Variants in RALGAPA2 observed in about 807,000 individuals in gnomAD.
The protein encoded by RALGAPA2 is Ral GTPase activating protein catalytic subunit alpha 2, also known as ral GTPase-activating protein subunit alpha-2.
RALGAPA2 carries 139 observed loss-of-function variants against 230.4 expected under a neutral mutation model. That is an observed-to-expected ratio of 0.60 (90% CI 0.53 to 0.69). The LOEUF (loss-of-function observed/expected upper bound fraction) is 0.69. Among genes scored for constraint, RALGAPA2 ranks in the 30% least tolerant of loss-of-function variants. The probability of loss-of-function intolerance (pLI) is 0.00; values close to 1 mark genes in which losing one functional copy is unlikely to be tolerated. For synonymous variants in RALGAPA2, 847 were observed against 837.8 expected, an observed-to-expected ratio of 1.01 and a Z score of -0.19; for missense variants, 2,163 against 2,276.0, an observed-to-expected ratio of 0.95 and a Z score of 1.01.
intron 20 of RALGAPA2, among the ~76,000 whole-genome samples, chr20:20,579,365 C>T (rs904812534): frequency 1.3e-5 from 2 of 152,178 alleles, no homozygotes; most frequent in African/African-American, 2.4e-5. Flanking sequence ...TAGCAGACAA[C>T]AGGCGTCCCC....
At chr20:20,479,342 A>G (rs1005608783) in intron 36 of RALGAPA2, among the ~76,000 whole-genome samples, 2 of 152,230 alleles carry the variant, frequency 1.3e-5, no homozygotes, top group Non-Finnish European at 2.9e-5. Context: ...CAATCTTAAT[A>G]CCAAAATGAG....
At chr20:20,685,618 A>T (rs1157092737) in intron 1 of RALGAPA2, among the ~76,000 whole-genome samples, 2 of 152,198 alleles carry the variant, frequency 1.3e-5, no homozygotes, top group African/African-American at 4.8e-5. Context: ...AAAGGGACAA[A>T]TGGGAATAAA....
intron 23 of RALGAPA2, among the ~76,000 whole-genome samples, chr20:20,557,748 T>C (rs2064128743): frequency 6.6e-6 from 1 of 152,170 alleles, no homozygotes; most frequent in Non-Finnish European, 1.5e-5. Context: ...AACAAAGGTA[T>C]TTAACTTACT....
chr20:20,471,752 T>G (rs2061546912), intron 37 of RALGAPA2: 1 of 152,164 alleles, frequency 6.6e-6, no homozygotes, highest in Admixed American at 6.5e-5. Context: ...TGGGACCTAA[T>G]AGCTCTTTTC....
chr20:20,448,289 G>A (rs2060910017), intron 37 of RALGAPA2, among the ~76,000 whole-genome samples: 1 of 152,172 alleles, frequency 6.6e-6, no homozygotes, highest in African/African-American at 2.4e-5. Flanking sequence ...CGAGTAGAGT[G>A]TAGTTTAATC....
chr20:20,461,526 A>G (rs753083536), intron 37 of RALGAPA2, among the ~76,000 whole-genome samples: 1 of 152,210 alleles, frequency 6.6e-6, no homozygotes, highest in African/African-American at 2.4e-5. Context: ...AAGGCAGAGC[A>G]TGATAGTAAG....
intron 37 of RALGAPA2, among the ~76,000 whole-genome samples, chr20:20,441,325 T>TA (rs1250767618): frequency 6.6e-6 from 1 of 152,212 alleles, no homozygotes; most frequent in African/African-American, 2.4e-5. Context: ...GGACAGCCGT[T>TA]AATCTGTAAG....
chr20:20,611,984 C>T (rs2065990774), intron 13 of RALGAPA2, among the ~76,000 whole-genome samples: 1 of 152,162 alleles, frequency 6.6e-6, no homozygotes, highest in Non-Finnish European at 1.5e-5. Context: ...TCTGGAAGAT[C>T]CTGACTCTGC....
Position 20,712,513 on chromosome 20 carries a change from G to A in RALGAPA2, c.-33C>T. On this transcript the variant is annotated 5_prime_UTR_variant, in exon 1 of 40. Coordinates refer to ENST00000202677, the MANE Select transcript of RALGAPA2 (RefSeq NM_020343.4). This position sits in a 1 kb window ranked among gnomAD's most constrained non-coding sequence, Gnocchi z 5.5. ...CAGGAAGCCCGGGCCCCGCCGGCGGGGCAGTAGGCGCCTGCGCCACGCGAA... is the reference window on the plus strand; with the variant it reads ...CAGGAAGCCCGGGCCCCGCCGGCGGAGCAGTAGGCGCCTGCGCCACGCGAA... 1 of 1,534,260 alleles carries A rather than the reference G, an allele frequency of 6.5e-7. No individual in the cohort carries two copies. Among genetic ancestry groups the A allele is most frequent in the East Asian group, 2.6e-5 (1 of 39,214 alleles).
rs771070647 is a variant in RALGAPA2 at position 20,584,967 on chromosome 20, A to G, written c.2440-12T>C. 3.2e-5 allele frequency: 51 copies of G among 1,591,932 alleles called. No homozygotes were observed. In the African/African-American group the frequency reaches 6.7e-4, roughly 21 times the overall value. On this transcript the variant is annotated splice_polypyrimidine_tract_variant and intron_variant, in intron 18 of 39. Transcript: ENST00000202677. Reference sequence around the variant, plus strand: ...CTTCGAACTAAGATCTTCAGACAAAAAGAAATATTGCATTTACTACAGGAA... The same window carrying G: ...CTTCGAACTAAGATCTTCAGACAAAGAGAAATATTGCATTTACTACAGGAA...
In RALGAPA2 at chr20:20,390,701, T is replaced by TAAAAAA. The variant is rs1471362392; in HGVS notation, c.*2582_*2587dup. The TAAAAAA allele has an allele frequency of 1.3e-5, 2 of 151,140 alleles. No homozygotes were observed. Among genetic ancestry groups the TAAAAAA allele is most frequent in the African/African-American group, 4.9e-5 (2 of 40,936 alleles). 9.4% of individuals were successfully genotyped at this position (151,140 alleles called of 1,614,324 possible). ...TTTGCTTTTCTAAGTAAAAAAAAAA[T>TAAAAAA]AAAAAAGAAACTTGATCATTGCAAT... On this transcript the variant is annotated 3_prime_UTR_variant, in exon 40 of 40. Coordinates refer to ENST00000202677, the MANE Select transcript of RALGAPA2 (RefSeq NM_020343.4).
At chr20:20,553,551 TAAAAAAAAACA>T (rs1276304258) in intron 23 of RALGAPA2, among the ~76,000 whole-genome samples, 9 of 150,610 alleles carry the variant, frequency 6.0e-5, no homozygotes, top group African/African-American at 2.2e-4. Context: ...GAATCTATCT[TAAAAAAAAACA>T]AAACAAAACA....
At chr20:20,452,967 TG>T (rs2061023892) in intron 37 of RALGAPA2, among the ~76,000 whole-genome samples, 1 of 152,218 alleles carries the variant, frequency 6.6e-6, no homozygotes. Context: ...GTTCAGGTCC[TG>T]GTTACCATTC....
intron 10 of RALGAPA2, among the ~76,000 whole-genome samples, chr20:20,621,460 CT>C (rs753951151): frequency 1.1e-3 from 162 of 141,038 alleles, no homozygotes; most frequent in Non-Finnish European, 1.2e-3. Flanking sequence ...GACTTTGTTT[CT>C]TTTTTTTTTT....
rs145636296 is a variant in RALGAPA2, at chr20:20,486,206, T to G, written c.5367+8911A>C. ...TCTTCCTTCTCTAAAGCTTTTCCCT[T>G]CTTTAAGTGGGTCCATCTTTATGAC... On this transcript the variant is annotated intron_variant, in intron 36 of 39. Transcript: ENST00000202677. Among the ~76,000 whole-genome samples, 148 of 152,186 alleles carry G rather than the reference T, an allele frequency of 9.7e-4. 1 individual carries two copies. Among genetic ancestry groups the G allele is most frequent in the African/African-American group, 3.4e-3 (143 of 41,546 alleles).
intron 1 of RALGAPA2, among the ~76,000 whole-genome samples, chr20:20,695,693 C>T (rs2069084594): frequency 6.6e-6 from 1 of 152,182 alleles, no homozygotes; most frequent in Non-Finnish European, 1.5e-5. Context: ...ACACCACAGC[C>T]ACCTTTCTGA....
chr20:20,455,479 G>A (rs912063615), intron 37 of RALGAPA2, among the ~76,000 whole-genome samples: 2 of 152,194 alleles, frequency 1.3e-5, no homozygotes, highest in Non-Finnish European at 2.9e-5. Context: ...ATCCAAAGAT[G>A]CCATGTGAAA....
intron 37 of RALGAPA2, among the ~76,000 whole-genome samples, chr20:20,430,962 T>C (rs1420806826): frequency 5.9e-5 from 9 of 152,122 alleles, no homozygotes; most frequent in African/African-American, 1.9e-4. Flanking sequence ...ATACTACTGA[T>C]ATGACAGGAA....
At chr20:20,402,582 G>C (rs1217014513) in intron 38 of RALGAPA2, among the ~76,000 whole-genome samples, 1 of 152,220 alleles carries the variant, frequency 6.6e-6, no homozygotes, top group Non-Finnish European at 1.5e-5. Context: ...TGGAGTGAGG[G>C]GGCACCGCTG....
Sources: gnomAD v4.1 joint callset for allele counts (sites outside exome capture counted in the v4.1 genomes callset) on GRCh38, gnomAD v4.1.1 for gene constraint, Gnocchi (gnomAD v3.1) non-coding constraint, MANE v1.5 for transcripts, NCBI Gene and HGNC (gene_info 2026-07-23, HGNC 2026-07-21) for gene names.